The following CRACD variants were observed in gnomAD, a reference collection of about 807,000 sequenced individuals.
CRACD encodes capping protein-inhibiting regulator of actin dynamics.
In CRACD, 56 loss-of-function variants were observed where a neutral mutation model predicts 106.8. The ratio of observed to expected loss-of-function variants is 0.52; its 90% CI spans 0.42 to 0.66. The LOEUF is 0.66. Among genes scored for constraint, CRACD ranks in the 30% least tolerant of loss-of-function variants. The pLI, the probability that CRACD is intolerant of heterozygous loss-of-function variation, is 0.00. For synonymous variants in CRACD, 754 were observed against 670.8 expected (o/e 1.12, Z -1.92); for missense variants, 1,730 against 1,623.2 (o/e 1.07, Z -1.13).
chr4:56,273,216 G>C (rs906187156), intron 3 of CRACD, among the ~76,000 whole-genome samples: 2 of 152,032 alleles, frequency 1.3e-5, no homozygotes, highest in Admixed American at 6.5e-5. Context: ...GGCACAGGTG[G>C]TCACCCTTCA....
At chr4:56,065,867 A>G (rs1732449560) in intron 1 of CRACD, among the ~76,000 whole-genome samples, 1 of 152,064 alleles carries the variant, frequency 6.6e-6, no homozygotes, top group Non-Finnish European at 1.5e-5. Context: ...GCCCCTGGCA[A>G]TCTCTATTCT....
At position 56,314,187 on chromosome 4, in the gene CRACD, C is replaced by A. The variant is rs1304628664; in HGVS notation, c.685C>A (p.Arg229=). The part of the protein sequence containing the change: ...EERRRQEDYW[R]ELEAKCKRQK... ...GAGAAGACGCCAAGAAGACTACTGG[C>A]GAGAACTGGAGGCCAAGTGCAAGCG... is the stretch of plus-strand genomic sequence containing the variant. The change falls in exon 8 of 11, where the codon CGA becomes AGA. Residue 229 remains arginine, a synonymous_variant. Coordinates refer to ENST00000682029, the MANE Select transcript of CRACD (RefSeq NM_001393381.1). This position sits in a 1 kb window ranked among gnomAD's most constrained non-coding sequence, Gnocchi z 4.4. 2 of 1,612,704 alleles carry A rather than the reference C, an allele frequency of 1.2e-6. No homozygotes were observed. The highest frequency in any genetic ancestry group is 1.7e-6 in the Non-Finnish European group (2 of 1,179,386).
intron 2 of CRACD, among the ~76,000 whole-genome samples, chr4:56,271,616 C>T (rs1742352549): frequency 6.6e-6 from 1 of 152,282 alleles, no homozygotes; most frequent in East Asian, 1.9e-4. Flanking sequence ...TTCTCAGCCT[C>T]TTCAGTGGAG....
chr4:56,315,988 C>T lies in CRACD; in HGVS notation c.2486C>T (p.Ala829Val). The T allele has an allele frequency of 6.2e-7, 1 of 1,614,232 alleles. No homozygotes were observed. The highest frequency in any genetic ancestry group is 8.5e-7 in the Non-Finnish European group (1 of 1,180,040). ...SSDSETANGI[A>V]KPDPVMPGGE... ...GACAGCGAGACTGCAAACGGGATAGCAAAGCCAGACCCTGTGATGCCAGGT... is the reference window on the plus strand; with the variant it reads ...GACAGCGAGACTGCAAACGGGATAGTAAAGCCAGACCCTGTGATGCCAGGT... The change falls in exon 8 of 11, where the codon GCA (alanine) becomes GTA (valine). Residue 829 changes from alanine to valine, a missense_variant. Ala to Val is a moderately conservative substitution (Grantham distance 64). Coordinates refer to ENST00000682029, the MANE Select transcript of CRACD (RefSeq NM_001393381.1). The surrounding 1 kb of genome is among the most constrained non-coding windows in gnomAD (Gnocchi z 4.1).
At chr4:56,225,205 C>A (rs374646755) in intron 2 of CRACD, among the ~76,000 whole-genome samples, 28 of 152,322 alleles carry the variant, frequency 1.8e-4, no homozygotes, top group African/African-American at 6.7e-4. Context: ...AATTCTCCTG[C>A]CTCAGCCTCC....
intron 2 of CRACD, among the ~76,000 whole-genome samples, chr4:56,201,278 A>G (rs1422106906): frequency 6.6e-6 from 1 of 152,214 alleles, no homozygotes; most frequent in African/African-American, 2.4e-5. Context: ...ATGCTTTCTA[A>G]AATAAACCGT....
chr4:56,105,971 CCTT>C (rs1733937813), intron 1 of CRACD, among the ~76,000 whole-genome samples: 2 of 151,140 alleles, frequency 1.3e-5, no homozygotes. Context: ...CCTTTTGTGA[CCTT>C]CTTCCATCCC....
rs145790347 is a variant in CRACD, at chr4:56,205,472, G to A, written c.-189+26042G>A. ...AGTTGTCCAAAATGGAATACCAAGCGTGCCCCGATAAACTGTTCTAAGCAA... is the reference window on the plus strand; with the variant it reads ...AGTTGTCCAAAATGGAATACCAAGCATGCCCCGATAAACTGTTCTAAGCAA... On this transcript the variant is annotated intron_variant, in intron 2 of 10. Coordinates refer to ENST00000682029, the MANE Select transcript of CRACD (RefSeq NM_001393381.1). 2.1e-3 allele frequency among the ~76,000 whole-genome samples: 325 copies of A among 152,064 alleles called. 3 individuals are homozygous for A. The highest frequency in any genetic ancestry group is 7.0e-3 in the African/African-American group (289 of 41,490).
rs886764673 is a variant in CRACD at position 56,314,364 on chromosome 4, C to T, written c.862C>T (p.Arg288Trp). 2.6e-6 allele frequency: 4 copies of T among 1,547,678 alleles called. No homozygotes were observed. The highest frequency in any genetic ancestry group is 3.5e-6 in the Non-Finnish European group (4 of 1,146,284). Residue 288 changes from arginine to tryptophan, a missense_variant, in exon 8 of 11, where the codon CGG becomes TGG. Physicochemically the swap from Arg to Trp is moderately radical, Grantham distance 101. Around this residue, in one of 5 missense-constraint regions of CRACD, gnomAD observed 1,620 missense variants for 1,481.6 expected, o/e 1.09. Coordinates refer to ENST00000682029, the MANE Select transcript of CRACD (RefSeq NM_001393381.1). The surrounding 1 kb of genome is among the most constrained non-coding windows in gnomAD (Gnocchi z 4.4). ...EPPLEAERAP[R>W]EEQQRSLEAP... ...GCCTCTAGAGGCGGAAAGGGCGCCGCGGGAAGAGCAGCAGCGGAGCCTGGA... is the reference window on the plus strand; with the variant it reads ...GCCTCTAGAGGCGGAAAGGGCGCCGTGGGAAGAGCAGCAGCGGAGCCTGGA...
chr4:56,168,339 A>G (rs1736230363), intron 1 of CRACD, among the ~76,000 whole-genome samples: 1 of 151,890 alleles, frequency 6.6e-6, no homozygotes, highest in African/African-American at 2.4e-5. Flanking sequence ...TTGTCTGTTA[A>G]TATTGTAAAT....
chr4:56,188,186 A>T (rs1198862894), intron 2 of CRACD, among the ~76,000 whole-genome samples: 1 of 152,190 alleles, frequency 6.6e-6, no homozygotes, highest in Non-Finnish European at 1.5e-5. Flanking sequence ...TATATTAAGG[A>T]CTTGGATATG....
chr4:56,224,079 A>G (rs116327330), intron 2 of CRACD, among the ~76,000 whole-genome samples: 2,575 of 152,328 alleles, frequency 0.017, 69 homozygotes, highest in African/African-American at 0.057. Flanking sequence ...TGAGGTCTGT[A>G]AAACATCTTA....
intron 1 of CRACD, among the ~76,000 whole-genome samples, chr4:56,158,149 G>T (rs1418055430): frequency 1.3e-5 from 2 of 152,208 alleles, no homozygotes; most frequent in Non-Finnish European, 2.9e-5. Context: ...CTCCAGATTT[G>T]GTTGCTGACA....
chr4:56,314,440 GC>G lies in CRACD; in HGVS notation c.940del (p.Leu314TrpfsTer110). 1 of 1,490,636 alleles carries G rather than the reference GC, an allele frequency of 6.7e-7. No individual in the cohort carries two copies. The highest frequency in any genetic ancestry group is 8.9e-7 in the Non-Finnish European group (1 of 1,117,394). 92.3% of individuals were successfully genotyped at this position (1,490,636 alleles called of 1,614,324 possible). ...CGGAGGGAGCGTGAGGAGCGCGAGC[GC>G]CTGGAGGCGGAGGAGGAGCGAAGGC... ...AERREREERE[R>X]LEAEEERRRL... On this transcript the variant is annotated frameshift_variant, in exon 8 of 11. Coordinates refer to ENST00000682029, the MANE Select transcript of CRACD (RefSeq NM_001393381.1). LOFTEE classifies it high-confidence loss of function. This position sits in a 1 kb window ranked among gnomAD's most constrained non-coding sequence, Gnocchi z 4.4.
At chr4:56,064,920 C>T (rs1016516644) in intron 1 of CRACD, among the ~76,000 whole-genome samples, 3 of 152,084 alleles carry the variant, frequency 2.0e-5, no homozygotes, top group Non-Finnish European at 4.4e-5. Flanking sequence ...CAAATGTCTG[C>T]AGTGATTCTT....
intron 1 of CRACD, among the ~76,000 whole-genome samples, chr4:56,112,122 T>A (rs958989128): frequency 6.6e-6 from 1 of 152,162 alleles, no homozygotes. Context: ...TAGGCGGGAG[T>A]CAGGCATGGT....
At chr4:56,053,888 T>C (rs1731957953) in intron 1 of CRACD, among the ~76,000 whole-genome samples, 1 of 152,230 alleles carries the variant, frequency 6.6e-6, no homozygotes, top group South Asian at 2.1e-4. Flanking sequence ...TAAGATTTGA[T>C]GTAAACAAAT....
At chr4:56,324,634 A>G (rs1207334295) in intron 10 of CRACD, among the ~76,000 whole-genome samples, 1 of 152,240 alleles carries the variant, frequency 6.6e-6, no homozygotes, top group Non-Finnish European at 1.5e-5. Flanking sequence ...GCACGGCAGT[A>G]TGAGCCATCT....
chr4:56,311,773 A>C (rs1745173599), intron 6 of CRACD, among the ~76,000 whole-genome samples: 1 of 152,214 alleles, frequency 6.6e-6, no homozygotes, highest in Non-Finnish European at 1.5e-5. Context: ...GCAGAAACAA[A>C]CAAATAAACC....
Sources: gnomAD v4.1 joint callset for allele counts (sites outside exome capture counted in the v4.1 genomes callset) on GRCh38, gnomAD v4.1.1 for gene constraint, gnomAD v4.1.1 regional missense constraint, Gnocchi (gnomAD v3.1) non-coding constraint, MANE v1.5 for transcripts, NCBI Gene and HGNC (gene_info 2026-07-23, HGNC 2026-07-21) for gene names.